CLASP1: variants seen among roughly 807,000 people sequenced by gnomAD.
CLASP1 encodes CLIP-associating protein 1.
CLASP1 carries 38 observed loss-of-function variants against 192.3 expected under a neutral mutation model. The observed-to-expected ratio is 0.20, with a 90% confidence interval of 0.15 to 0.26. The LOEUF (loss-of-function observed/expected upper bound fraction) is 0.26. CLASP1 is among the 10% of genes least tolerant of loss of function. The pLI is 1.00. For missense variants in CLASP1, 1,433 were observed against 1,932.5 expected (o/e 0.74, Z 4.85); for synonymous variants, 691 against 712.8 (o/e 0.97, Z 0.49).
intron 8 of CLASP1, among the ~76,000 whole-genome samples, chr2:121,474,540 T>C (rs1322008758): frequency 6.6e-6 from 1 of 152,060 alleles, no homozygotes; most frequent in Non-Finnish European, 1.5e-5. Flanking sequence ...ATAGAGACCA[T>C]CCTGGCTAAC....
chr2:121,549,588 A>G (rs1357224127), intron 2 of CLASP1, among the ~76,000 whole-genome samples: 1 of 152,000 alleles, frequency 6.6e-6, no homozygotes, highest in African/African-American at 2.4e-5. Context: ...AGACCAATGG[A>G]TCTGATAAAT....
intron 9 of CLASP1, among the ~76,000 whole-genome samples, chr2:121,467,292 CAG>C (rs2089795385): frequency 6.6e-6 from 1 of 152,124 alleles, no homozygotes; most frequent in Admixed American, 6.6e-5. Flanking sequence ...ATCTTTATAA[CAG>C]AATGATTTAT....
At chr2:121,406,351 A>G (rs1050985085) in intron 25 of CLASP1, among the ~76,000 whole-genome samples, 2 of 152,236 alleles carry the variant, frequency 1.3e-5, no homozygotes, top group African/African-American at 4.8e-5. Flanking sequence ...CCATTTTGTT[A>G]TCTCCTCACT....
At chr2:121,587,178 T>A (rs1005024079) in intron 2 of CLASP1, among the ~76,000 whole-genome samples, 14 of 151,544 alleles carry the variant, frequency 9.2e-5, no homozygotes, top group African/African-American at 3.4e-4. Context: ...AAGGCGGAGG[T>A]TGCAGTGAGC....
chr2:121,341,393 C>A (rs1244587880), intron 39 of CLASP1, among the ~76,000 whole-genome samples: 2 of 152,214 alleles, frequency 1.3e-5, no homozygotes, highest in African/African-American at 4.8e-5. Context: ...AACCTTCACA[C>A]CTTTAGCCTC....
At chr2:121,560,575 G>A (rs559720313) in intron 2 of CLASP1, among the ~76,000 whole-genome samples, 1 of 152,318 alleles carries the variant, frequency 6.6e-6, no homozygotes, top group South Asian at 2.1e-4. Flanking sequence ...CTGCAAAGTG[G>A]AGAATGAATC....
At chr2:121,439,532 T>G (rs2149714073) in intron 19 of CLASP1, among the ~76,000 whole-genome samples, 1 of 152,280 alleles carries the variant, frequency 6.6e-6, no homozygotes, top group East Asian at 1.9e-4. Flanking sequence ...GTGTCTTTGT[T>G]CTCGTTGGTT....
chr2:121,427,333 A>G, intron 21 of CLASP1, 71 bp downstream of exon 21: 1 of 1,540,078 alleles, frequency 6.5e-7, no homozygotes, highest in East Asian at 2.3e-5. Context: ...AATATTGTGC[A>G]AGGAACATGG....
chr2:121,554,521 T>C (rs2058357809), intron 2 of CLASP1, among the ~76,000 whole-genome samples: 1 of 147,314 alleles, frequency 6.8e-6, no homozygotes, highest in Admixed American at 6.7e-5. Context: ...TCCCAGCTAC[T>C]CAGGAGGTTG....
chr2:121,576,165 C>G (rs533039650), intron 2 of CLASP1, among the ~76,000 whole-genome samples: 4 of 151,946 alleles, frequency 2.6e-5, no homozygotes, highest in Admixed American at 2.6e-4. Context: ...TGTGCCCAGG[C>G]ACTAAGCAAG....
At chr2:121,421,822 C>T (rs1251105621) in intron 22 of CLASP1, among the ~76,000 whole-genome samples, 2 of 151,760 alleles carry the variant, frequency 1.3e-5, no homozygotes, top group African/African-American at 2.4e-5. Context: ...GGATTACAGG[C>T]GTGAGCCACT....
intron 2 of CLASP1, among the ~76,000 whole-genome samples, chr2:121,540,890 G>A (rs2095218681): frequency 6.6e-6 from 1 of 152,022 alleles, no homozygotes; most frequent in African/African-American, 2.4e-5. Context: ...TCAGAAGAGT[G>A]GTTACTTAGG....
intron 30 of CLASP1, among the ~76,000 whole-genome samples, chr2:121,389,573 C>A (rs1221722873): frequency 2.6e-5 from 4 of 151,514 alleles, no homozygotes; most frequent in Non-Finnish European, 5.9e-5. Flanking sequence ...GAAAACACAT[C>A]AATTTAATTA....
In CLASP1 at chr2:121,530,098, G is replaced by C. The variant is rs541318494; in HGVS notation, c.274+149C>G. ...TTAGGGGGGCTGCGGGGGAGGGCGG[G>C]GACTGGCTGTTTGGGAGGAGCGGAA... is the stretch of plus-strand genomic sequence containing the variant. On this transcript the variant is annotated intron_variant, in intron 3 of 39. Transcript: ENST00000263710. 3.2e-5 allele frequency: 21 copies of C among 654,116 alleles called. No individual in the cohort carries two copies. In the South Asian group the frequency reaches 4.0e-4, roughly 12 times the overall value. The allele number at this position is 654,116 out of a possible 1,614,324, so 40.5% of individuals were successfully genotyped here. A position where few individuals can be genotyped will look rare whatever the true frequency, so the allele number is the denominator to read the frequency against.
intron 8 of CLASP1, among the ~76,000 whole-genome samples, chr2:121,478,761 ACCACACACC>A (rs2092078887): frequency 3.2e-5 from 1 of 31,314 alleles, no homozygotes; most frequent in Admixed American, 3.6e-4. Flanking sequence ...CCACACACAC[ACCACACACC>A]CCACACACAC....
At chr2:121,576,196 T>C (rs1225820902) in intron 2 of CLASP1, among the ~76,000 whole-genome samples, 1 of 152,152 alleles carries the variant, frequency 6.6e-6, no homozygotes, top group Admixed American at 6.5e-5. Context: ...TAAAATTTTT[T>C]TTTTAAAAAA....
chr2:121,409,598 G>C, intron 24 of CLASP1, among the ~76,000 whole-genome samples: 1 of 152,190 alleles, frequency 6.6e-6, no homozygotes, highest in Non-Finnish European at 1.5e-5. Context: ...CCCTTATGCA[G>C]TTCTTTAAAG....
At chr2:121,367,443 G>A (rs2067640091) in intron 35 of CLASP1, 145 bp downstream of exon 36, 6 of 1,058,548 alleles carry the variant, frequency 5.7e-6, no homozygotes, top group Middle Eastern at 3.1e-4. Context: ...ATTCAGTTAA[G>A]TAGTGCCTGA....
At chr2:121,415,596 C>T (rs991697277) in intron 23 of CLASP1, among the ~76,000 whole-genome samples, 1 of 152,132 alleles carries the variant, frequency 6.6e-6, no homozygotes, top group Non-Finnish European at 1.5e-5. Flanking sequence ...AACTTATTGA[C>T]TACAGTTTCA....
Sources: allele counts gnomAD v4.1 joint callset (sites outside exome capture counted in the v4.1 genomes callset), GRCh38; gene constraint gnomAD v4.1.1; transcripts MANE v1.5; gene names NCBI Gene and HGNC (gene_info 2026-07-23, HGNC 2026-07-21).